Variants in IKZF3 observed in about 807,000 individuals in gnomAD.
IKZF3 encodes IKAROS family zinc finger 3, also known as zinc finger protein Aiolos.
IKZF3 carries 10 observed loss-of-function variants against 49.0 expected under a neutral mutation model. That is an observed-to-expected ratio of 0.20 (90% CI 0.13 to 0.35). The LOEUF (loss-of-function observed/expected upper bound fraction) is 0.35. Ranked by LOEUF, IKZF3 falls within the 10% of genes least tolerant of loss-of-function variation. The probability of loss-of-function intolerance (pLI) is 1.00; values close to 1 mark genes in which losing one functional copy is unlikely to be tolerated. For missense variants in IKZF3, 498 were observed against 664.8 expected (o/e 0.75, Z 2.76); for synonymous variants, 209 against 228.2 (o/e 0.92, Z 0.76).
chr17:39,822,468 A>G (rs2061835832), intron 3 of IKZF3, among the ~76,000 whole-genome samples: 1 of 152,132 alleles, frequency 6.6e-6, no homozygotes, highest in East Asian at 1.9e-4. Flanking sequence ...CCCTGTGAAG[A>G]GGTACTTTCT....
chr17:39,774,845 A>G (rs1435436290), intron 7 of IKZF3, among the ~76,000 whole-genome samples: 1 of 152,246 alleles, frequency 6.6e-6, no homozygotes, highest in Non-Finnish European at 1.5e-5. Flanking sequence ...TTCCTAAAAC[A>G]AAAAAGACTC....
At chr17:39,835,949 A>G in intron 1 of IKZF3, 1 of 643,620 alleles carries the variant, frequency 1.6e-6, no homozygotes, top group Non-Finnish European at 2.9e-6. Flanking sequence ...CCTGGCCTAG[A>G]GTGTCCAGCT....
At chr17:39,794,969 CA>C (rs1229017760) in intron 3 of IKZF3, among the ~76,000 whole-genome samples, 2 of 152,082 alleles carry the variant, frequency 1.3e-5, no homozygotes, top group Non-Finnish European at 1.5e-5. Context: ...CCAAAAACAG[CA>C]GATAGAAAAG....
chr17:39,842,473 G>C (rs2144412060), intron 1 of IKZF3, among the ~76,000 whole-genome samples: 1 of 152,318 alleles, frequency 6.6e-6, no homozygotes, highest in African/African-American at 2.4e-5. Flanking sequence ...ATTTTGCTGT[G>C]CCAGAAAGCA....
At chr17:39,818,979 C>T (rs988536713) in intron 3 of IKZF3, among the ~76,000 whole-genome samples, 7 of 152,056 alleles carry the variant, frequency 4.6e-5, no homozygotes, top group African/African-American at 1.7e-4. Context: ...TCAAGAACTG[C>T]ATGACACTCC....
chr17:39,824,693 CTTT>C (rs768606972), intron 3 of IKZF3, among the ~76,000 whole-genome samples: 286 of 141,698 alleles, frequency 2.0e-3, no homozygotes, highest in Non-Finnish European at 3.6e-3. Flanking sequence ...GATCTGATGG[CTTT>C]TTTTTTTTTT....
At chr17:39,836,336 C>T (rs763990886) in intron 1 of IKZF3, among the ~76,000 whole-genome samples, 1 of 152,166 alleles carries the variant, frequency 6.6e-6, no homozygotes, top group Non-Finnish European at 1.5e-5. Context: ...GGCACCAGGC[C>T]TACTCATGTT....
At chr17:39,779,837 T>G (rs576170929) in intron 6 of IKZF3, among the ~76,000 whole-genome samples, 1 of 152,190 alleles carries the variant, frequency 6.6e-6, no homozygotes, top group East Asian at 1.9e-4. Context: ...CAAACTAAAA[T>G]GAACTATCCA....
intron 3 of IKZF3, among the ~76,000 whole-genome samples, chr17:39,819,688 G>T (rs986123495): frequency 6.6e-6 from 1 of 152,082 alleles, no homozygotes; most frequent in African/African-American, 2.4e-5. Context: ...TTCTTTTCTT[G>T]AAAAGGAGTC....
At chr17:39,822,293 A>G (rs959138251) in intron 3 of IKZF3, among the ~76,000 whole-genome samples, 3 of 152,142 alleles carry the variant, frequency 2.0e-5, no homozygotes, top group Non-Finnish European at 4.4e-5. Flanking sequence ...TTGAATTGTA[A>G]GCCCCATAAT....
At chr17:39,844,295 C>A (rs186839329) in intron 1 of IKZF3, among the ~76,000 whole-genome samples, 1 of 152,278 alleles carries the variant, frequency 6.6e-6, no homozygotes, top group Non-Finnish European at 1.5e-5. Context: ...ATGGAAGAAT[C>A]TTGGAGTGGG....
chr17:39,813,189 A>G (rs1489484019), intron 3 of IKZF3, among the ~76,000 whole-genome samples: 1 of 152,052 alleles, frequency 6.6e-6, no homozygotes, highest in African/African-American at 2.4e-5. Flanking sequence ...CACTAAGGAC[A>G]GTGGGCAGCC....
chr17:39,843,865 T>C (rs1315924528), intron 1 of IKZF3, among the ~76,000 whole-genome samples: 4 of 151,010 alleles, frequency 2.6e-5, no homozygotes, highest in Non-Finnish European at 5.9e-5. Flanking sequence ...ACATGAATGT[T>C]CTTATTAGCT....
At chr17:39,802,221 CAAAAAAA>C (rs56029512) in intron 3 of IKZF3, among the ~76,000 whole-genome samples, 1 of 54,412 alleles carries the variant, frequency 1.8e-5, no homozygotes, top group African/African-American at 8.5e-5. Context: ...GACTCCATCT[CAAAAAAA>C]AAAAAAAAAA....
intron 7 of IKZF3, among the ~76,000 whole-genome samples, chr17:39,769,297 C>T (rs1237760343): frequency 1.3e-5 from 2 of 152,164 alleles, no homozygotes; most frequent in East Asian, 3.8e-4. Flanking sequence ...CAGACCAGAA[C>T]AGTGAGAAAT....
intron 4 of IKZF3, 147 bp downstream of exon 4, chr17:39,792,526 A>G: frequency 1.3e-6 from 1 of 775,786 alleles, no homozygotes; most frequent in Non-Finnish European, 2.0e-6. Context: ...AAAAGCACTG[A>G]GTGAACAGCA....
In IKZF3 at chr17:39,785,356, A is replaced by G. The variant is rs1186216793; in HGVS notation, c.709+2902T>C. 2.0e-5 allele frequency among the ~76,000 whole-genome samples: 3 copies of G among 152,208 alleles called. No individual in the cohort carries two copies. In the South Asian group the frequency reaches 6.2e-4, roughly 31 times the overall value. ...TACAACATATTTGTTTGAAAAAAAAATCAAAACTTGCTGACTTAGTTAACC... is the reference window on the plus strand; with the variant it reads ...TACAACATATTTGTTTGAAAAAAAAGTCAAAACTTGCTGACTTAGTTAACC... On this transcript the variant is annotated intron_variant, in intron 6 of 7. Transcript: ENST00000346872.
intron 3 of IKZF3, among the ~76,000 whole-genome samples, chr17:39,794,799 T>C (rs1170978323): frequency 6.6e-6 from 1 of 152,170 alleles, no homozygotes; most frequent in South Asian, 2.1e-4. Flanking sequence ...TAAGTGTTTA[T>C]TTTTTATTTT....
intron 3 of IKZF3, among the ~76,000 whole-genome samples, chr17:39,798,056 A>G (rs1329888774): frequency 6.6e-6 from 1 of 152,026 alleles, no homozygotes; most frequent in African/African-American, 2.4e-5. Flanking sequence ...CCCACATTCA[A>G]TCATTCAGTG....
Sources: gnomAD v4.1 joint callset for allele counts (sites outside exome capture counted in the v4.1 genomes callset) on GRCh38, gnomAD v4.1.1 for gene constraint, MANE v1.5 for transcripts, NCBI Gene and HGNC (gene_info 2026-07-23, HGNC 2026-07-21) for gene names.